The following ANKIB1 variants were observed in gnomAD, a reference collection of about 807,000 sequenced individuals.
ANKIB1 encodes ankyrin repeat and IBR domain-containing protein 1.
ANKIB1 carries 43 observed loss-of-function variants against 122.1 expected under a neutral mutation model. The observed-to-expected ratio is 0.35, with a 90% confidence interval of 0.28 to 0.45. The LOEUF is 0.45. Ranked by LOEUF, ANKIB1 falls within the 20% of genes least tolerant of loss-of-function variation. ANKIB1 has a pLI of 1.00. For missense variants in ANKIB1, 992 were observed against 1,329.5 expected (o/e 0.75, Z 3.95); for synonymous variants, 390 against 442.0 (o/e 0.88, Z 1.48).
intron 1 of ANKIB1, among the ~76,000 whole-genome samples, chr7:92,248,024 G>GC (rs1801230207): frequency 1.3e-5 from 2 of 152,208 alleles, no homozygotes; most frequent in South Asian, 4.1e-4. Context: ...TAGCACAGAA[G>GC]CCAAGCACTG....
At chr7:92,331,128 C>G (rs781340028) in intron 5 of ANKIB1, among the ~76,000 whole-genome samples, 7 of 152,046 alleles carry the variant, frequency 4.6e-5, no homozygotes, top group Non-Finnish European at 8.8e-5. Flanking sequence ...TGCTGCTGAA[C>G]AAAAATGTAG....
At chr7:92,267,962 C>T (rs1176939241) in intron 1 of ANKIB1, among the ~76,000 whole-genome samples, 6 of 152,082 alleles carry the variant, frequency 3.9e-5, no homozygotes, top group African/African-American at 1.2e-4. Context: ...ATAGAACATA[C>T]GCCTTTGCTT....
intron 4 of ANKIB1, among the ~76,000 whole-genome samples, chr7:92,325,495 T>G (rs1180782666): frequency 6.6e-6 from 1 of 152,178 alleles, no homozygotes; most frequent in African/African-American, 2.4e-5. Context: ...CCACCCTCCC[T>G]CCCAAGCTAA....
chr7:92,249,983 T>C (rs1472466687), intron 1 of ANKIB1, among the ~76,000 whole-genome samples: 2 of 152,198 alleles, frequency 1.3e-5, no homozygotes, highest in Non-Finnish European at 2.9e-5. Flanking sequence ...AGATTTGACT[T>C]ACAGTCCTTA....
intron 1 of ANKIB1, among the ~76,000 whole-genome samples, chr7:92,277,606 T>A (rs1239332270): frequency 2.0e-5 from 3 of 152,118 alleles, no homozygotes; most frequent in Non-Finnish European, 4.4e-5. Context: ...TGTTACGAGT[T>A]CATTTGCCTC....
intron 1 of ANKIB1, among the ~76,000 whole-genome samples, chr7:92,251,024 A>T (rs1801319035): frequency 6.6e-6 from 1 of 152,194 alleles, no homozygotes; most frequent in Admixed American, 6.5e-5. Context: ...TTAATCCTTG[A>T]TATTTTTCTG....
intron 5 of ANKIB1, among the ~76,000 whole-genome samples, chr7:92,337,258 C>T (rs1261449971): frequency 6.6e-6 from 1 of 152,160 alleles, no homozygotes; most frequent in African/African-American, 2.4e-5. Flanking sequence ...TGTTGCAATG[C>T]ATCAGTGAAT....
At chr7:92,358,520 C>T (rs149646980) in intron 9 of ANKIB1, among the ~76,000 whole-genome samples, 18 of 147,034 alleles carry the variant, frequency 1.2e-4, no homozygotes, top group East Asian at 3.9e-4. Flanking sequence ...TAAGCAATTA[C>T]GGCTTTTGAA....
chr7:92,280,731 G>T (rs1466019040), intron 1 of ANKIB1, among the ~76,000 whole-genome samples: 1 of 152,102 alleles, frequency 6.6e-6, no homozygotes, highest in African/African-American at 2.4e-5. Context: ...CCCAGCATTG[G>T]ATCTATCATT....
intron 14 of ANKIB1, among the ~76,000 whole-genome samples, chr7:92,389,270 T>G (rs951064557): frequency 6.6e-6 from 1 of 152,152 alleles, no homozygotes; most frequent in African/African-American, 2.4e-5. Flanking sequence ...GTATCCAAAA[T>G]AATCTGAGTT....
At chr7:92,307,992 T>A (rs927299034) in intron 3 of ANKIB1, among the ~76,000 whole-genome samples, 3 of 151,682 alleles carry the variant, frequency 2.0e-5, no homozygotes, top group Admixed American at 6.6e-5. Context: ...ATTTTTGTAT[T>A]TTTGTATAAT....
chr7:92,350,847 A>G, intron 7 of ANKIB1, 103 bp from the exon 8 acceptor site: 1 of 1,161,796 alleles, frequency 8.6e-7, no homozygotes, highest in Non-Finnish European at 1.2e-6. Context: ...ATGGAATGAG[A>G]CCCTGTCTCT....
rs575205906 is a variant in ANKIB1, at chr7:92,315,397, G to T, written c.487-3933G>T. On this transcript the variant is annotated intron_variant, in intron 3 of 19. Transcript: ENST00000265742. ...AGACACTCATTTAGAATTTAGAATT[G>T]AGTGTTATCTACATAGAGTTGACAG... Among the ~76,000 whole-genome samples the T allele has an allele frequency of 7.2e-5, 11 of 152,256 alleles. No homozygotes were observed. In the East Asian group the frequency reaches 2.1e-3, roughly 29 times the overall value.
intron 3 of ANKIB1, among the ~76,000 whole-genome samples, chr7:92,309,263 T>C (rs1802635511): frequency 6.6e-6 from 1 of 152,196 alleles, no homozygotes; most frequent in Admixed American, 6.5e-5. Flanking sequence ...TTGTTTGTTG[T>C]TTTAAGAGAC....
intron 1 of ANKIB1, among the ~76,000 whole-genome samples, chr7:92,273,920 G>A (rs1801847512): frequency 6.6e-6 from 1 of 151,928 alleles, no homozygotes; most frequent in Non-Finnish European, 1.5e-5. Flanking sequence ...CTGCAAGTAT[G>A]TGCCACCATG....
At chr7:92,357,825 T>TC (rs1189056003) in intron 9 of ANKIB1, among the ~76,000 whole-genome samples, 1 of 152,134 alleles carries the variant, frequency 6.6e-6, no homozygotes, top group Non-Finnish European at 1.5e-5. Flanking sequence ...TAACCTCTCT[T>TC]CCCTACGTTG....
chr7:92,246,584 TCAGAG>T (rs923992026), intron 1 of ANKIB1, 65 bp downstream of exon 1: 4 of 496,734 alleles, frequency 8.1e-6, no homozygotes, highest in African/African-American at 7.8e-5. Flanking sequence ...GGCTCCGAGT[TCAGAG>T]CTACCTACTT....
At position 92,399,348 on chromosome 7, in the gene ANKIB1, AG is replaced by A. The variant is rs1804967946; in HGVS notation, c.*400del. ...GGCTTTCCTTTAAAAAAAAAAAAAA[AG>A]TTTTCTTCATTCTAGAAATTTATTT... is the stretch of plus-strand genomic sequence containing the variant. On this transcript the variant is annotated 3_prime_UTR_variant, in exon 20 of 20. Transcript: ENST00000265742. The A allele has an allele frequency of 6.5e-6, 1 of 152,986 alleles. No homozygotes were observed. Among genetic ancestry groups the A allele is most frequent in the African/African-American group, 2.4e-5 (1 of 41,312 alleles). The allele number at this position is 152,986 out of a possible 1,614,324, so 9.5% of individuals were successfully genotyped here.
At chr7:92,326,041 A>C (rs1803021751) in intron 4 of ANKIB1, 4 of 390,516 alleles carry the variant, frequency 1.0e-5, no homozygotes, top group Non-Finnish European at 2.0e-5. Flanking sequence ...TGCAGAAGAA[A>C]AGTAGTGCCC....
Sources: allele counts gnomAD v4.1 joint callset (sites outside exome capture counted in the v4.1 genomes callset), GRCh38; gene constraint gnomAD v4.1.1; transcripts MANE v1.5; gene names NCBI Gene and HGNC (gene_info 2026-07-23, HGNC 2026-07-21).